Variants in MALRD1 observed in about 807,000 individuals in gnomAD.
MALRD1 encodes MAM and LDL-receptor class A domain-containing protein 1.
A neutral mutation model predicts 242.1 loss-of-function variants in MALRD1; 247 were observed. The ratio of observed to expected loss-of-function variants is 1.02; its 90% CI spans 0.92 to 1.13. The LOEUF (loss-of-function observed/expected upper bound fraction) is 1.13, where lower values mean the gene tolerates loss of function less well. Among genes scored for constraint, MALRD1 ranks in the 50% most tolerant of loss-of-function variants. MALRD1 has a pLI of 0.00. For synonymous variants in MALRD1, 995 were observed against 866.6 expected, an observed-to-expected ratio of 1.15 and a Z score of -2.60; for missense variants, 2,989 against 2,533.1, an observed-to-expected ratio of 1.18 and a Z score of -3.86.
At chr10:19,164,623 G>C (rs1262130623) in intron 12 of MALRD1, among the ~76,000 whole-genome samples, 2 of 152,130 alleles carry the variant, frequency 1.3e-5, no homozygotes, top group East Asian at 1.9e-4. Context: ...TGGAGGTTTT[G>C]TGGGCATATT....
chr10:19,186,324 G>C (rs1429469179), intron 14 of MALRD1, among the ~76,000 whole-genome samples: 1 of 152,138 alleles, frequency 6.6e-6, no homozygotes. Context: ...TCTGGTGAAG[G>C]CTCATCATTT....
intron 29 of MALRD1, among the ~76,000 whole-genome samples, chr10:19,479,485 G>C (rs1836890823): frequency 6.6e-6 from 1 of 152,136 alleles, no homozygotes; most frequent in Non-Finnish European, 1.5e-5. Flanking sequence ...TGGCTATTAA[G>C]TAACTACATG....
chr10:19,098,270 A>G (rs997788798), intron 4 of MALRD1, among the ~76,000 whole-genome samples: 1 of 152,218 alleles, frequency 6.6e-6, no homozygotes, highest in Non-Finnish European at 1.5e-5. Flanking sequence ...CTAAATGAAC[A>G]ATCAGTGCCT....
intron 17 of MALRD1, among the ~76,000 whole-genome samples, chr10:19,206,998 A>C (rs979244353): frequency 5.9e-5 from 9 of 152,146 alleles, no homozygotes; most frequent in Non-Finnish European, 1.0e-4. Flanking sequence ...CTCCCACTTG[A>C]CATTTACTCA....
intron 26 of MALRD1, among the ~76,000 whole-genome samples, chr10:19,371,732 T>G (rs1436577911): frequency 1.3e-5 from 2 of 152,240 alleles, no homozygotes; most frequent in African/African-American, 4.8e-5. Context: ...ACAATTATAT[T>G]CACTCATAGT....
intron 32 of MALRD1, among the ~76,000 whole-genome samples, chr10:19,562,323 A>AGATAGATG (rs1454737110): frequency 6.6e-6 from 1 of 151,290 alleles, no homozygotes; most frequent in African/African-American, 2.4e-5. Flanking sequence ...ATAGATAGAT[A>AGATAGATG]GATAGATAGA....
chr10:19,633,765 A>G (rs1840009071), intron 36 of MALRD1: 1 of 152,112 alleles, frequency 6.6e-6, no homozygotes. Context: ...TGACAAGACC[A>G]GATGAGATCA....
Position 19,347,907 on chromosome 10 carries a change from G to T in MALRD1, c.4038G>T (p.Leu1346Phe). 6.5e-7 allele frequency: 1 copy of T among 1,550,266 alleles called. No homozygotes were observed. Among genetic ancestry groups the T allele is most frequent in the South Asian group, 1.2e-5 (1 of 84,048 alleles). ...AGTEPAADHT[L>F]GNSSGHYIFI... ...CAGAGCCAGCAGCAGATCACACTTT[G>T]GGAAATTCATCTGGTCATTACATCT... The change falls in exon 25 of 40, where the codon TTG becomes TTT. Residue 1346 changes from leucine to phenylalanine, a missense_variant. By Grantham distance (22) the Leu-to-Phe change is conservative. Coordinates refer to ENST00000454679, the MANE Select transcript of MALRD1 (RefSeq NM_001142308.3).
intron 33 of MALRD1, among the ~76,000 whole-genome samples, chr10:19,575,254 G>A (rs1336974037): frequency 6.6e-6 from 1 of 152,096 alleles, no homozygotes; most frequent in Non-Finnish European, 1.5e-5. Context: ...GACCCAGTAG[G>A]GCTAAACAAA....
At chr10:19,152,889 T>C (rs1423858415) in intron 11 of MALRD1, among the ~76,000 whole-genome samples, 4 of 152,216 alleles carry the variant, frequency 2.6e-5, no homozygotes, top group African/African-American at 9.6e-5. Flanking sequence ...CCTAATATTA[T>C]CTCTAATTGA....
intron 33 of MALRD1, among the ~76,000 whole-genome samples, chr10:19,592,246 A>T (rs941359915): frequency 6.6e-6 from 1 of 152,238 alleles, no homozygotes; most frequent in African/African-American, 2.4e-5. Flanking sequence ...GGGAGGAAAC[A>T]GAACTGGACA....
At chr10:19,118,403 T>C (rs1285463951) in intron 5 of MALRD1, among the ~76,000 whole-genome samples, 1 of 152,030 alleles carries the variant, frequency 6.6e-6, no homozygotes, top group East Asian at 1.9e-4. Context: ...AAGATGTACA[T>C]TGGTTGAGTT....
chr10:19,609,359 A>C (rs558281432), intron 35 of MALRD1, among the ~76,000 whole-genome samples: 1 of 152,062 alleles, frequency 6.6e-6, no homozygotes, highest in East Asian at 1.9e-4. Flanking sequence ...TACATGTTGT[A>C]TGCTTTTTGG....
Position 19,478,837 on chromosome 10 carries a change from A to G in MALRD1, c.5030-12680A>G, listed in dbSNP as rs187019077. Among the ~76,000 whole-genome samples the G allele has an allele frequency of 1.7e-4, 26 of 152,340 alleles. No homozygotes were observed. The East Asian group carries it at 4.6e-3, about 27-fold the overall frequency. On this transcript the variant is annotated intron_variant, in intron 29 of 39. Coordinates refer to ENST00000454679, the MANE Select transcript of MALRD1 (RefSeq NM_001142308.3). ...TCAGAAATTATCTTGGGCAATGACA[A>G]TAATTATCACACAGGCTATTTATCC...
In MALRD1 at chr10:19,257,713, C is replaced by A; in HGVS notation, c.3021C>A (p.Gly1007=). 6.5e-7 allele frequency: 1 copy of A among 1,541,114 alleles called. No individual in the cohort carries two copies. The highest frequency in any genetic ancestry group is 1.2e-5 in the South Asian group (1 of 82,288). ...TGGTGGAGGCTTCAGTGGGAGATGGCTTCACTGGAGATATTGCGATTGATG... is the reference window on the plus strand; with the variant it reads ...TGGTGGAGGCTTCAGTGGGAGATGGATTCACTGGAGATATTGCGATTGATG... ...QILVEASVGD[G]FTGDIAIDDL... The change falls in exon 19 of 40, where the codon GGC becomes GGA. Residue 1007 remains glycine (G), a synonymous_variant. Transcript: ENST00000454679.
chr10:19,165,977 CAAAAT>C (rs139470933), intron 13 of MALRD1, among the ~76,000 whole-genome samples, 167 bp downstream of exon 13: 28,467 of 151,950 alleles, frequency 0.19, 2,939 homozygotes, highest in Admixed American at 0.27. Context: ...TTTCAGATAA[CAAAAT>C]AACACCATAG....
At chr10:19,372,129 T>C (rs1845406365) in intron 26 of MALRD1, among the ~76,000 whole-genome samples, 1 of 152,128 alleles carries the variant, frequency 6.6e-6, no homozygotes, top group South Asian at 2.1e-4. Flanking sequence ...TCAAGACAAA[T>C]AATAGTTGTA....
chr10:19,518,504 T>A (rs1295689818), intron 31 of MALRD1, among the ~76,000 whole-genome samples: 1 of 152,024 alleles, frequency 6.6e-6, no homozygotes, highest in Non-Finnish European at 1.5e-5. Context: ...AATTACAGAG[T>A]CTCTACTGAC....
intron 33 of MALRD1, among the ~76,000 whole-genome samples, chr10:19,584,380 C>G (rs1202466488): frequency 6.6e-6 from 1 of 152,072 alleles, no homozygotes; most frequent in Non-Finnish European, 1.5e-5. Context: ...AAATTTCCCT[C>G]TACACACTGC....
Sources: allele counts gnomAD v4.1 joint callset (sites outside exome capture counted in the v4.1 genomes callset), GRCh38; gene constraint gnomAD v4.1.1; transcripts MANE v1.5; gene names NCBI Gene and HGNC (gene_info 2026-07-23, HGNC 2026-07-21).